Variants in MTR observed in about 807,000 individuals in gnomAD.
MTR encodes the protein methionine synthase.
Under a neutral mutation model 154.8 loss-of-function variants are expected in MTR, and 84 were observed. The observed-to-expected ratio is 0.54, with a 90% CI of 0.45 to 0.65. MTR has a LOEUF of 0.65. MTR is among the 30% of genes least tolerant of loss of function. The pLI is 0.00. For synonymous variants in MTR, 554 were observed against 553.9 expected (o/e 1.00, Z 0.00); for missense variants, 1,275 against 1,570.2 (o/e 0.81, Z 3.18).
chr1:236,825,301 G>A lies in MTR; in HGVS notation c.866-37G>A, dbSNP rs771415395. 3.4e-6 allele frequency: 5 copies of A among 1,456,516 alleles called. No homozygotes were observed. In the Admixed American group the frequency reaches 5.0e-5, roughly 15 times the overall value. 90.2% of individuals were successfully genotyped at this position (1,456,516 alleles called of 1,614,324 possible). Reference sequence around the variant, plus strand: ...TTAAAAATACAGTGTATATTTTTAAGGCAATTTGCAATAATGGTTGAATTA... The same window carrying A: ...TTAAAAATACAGTGTATATTTTTAAAGCAATTTGCAATAATGGTTGAATTA... On this transcript the variant is annotated intron_variant, in intron 9 of 32. Coordinates refer to ENST00000366577, the MANE Select transcript of MTR (RefSeq NM_000254.3).
At chr1:236,852,086 G>A (rs1345075054) in intron 16 of MTR, among the ~76,000 whole-genome samples, 1 of 152,156 alleles carries the variant, frequency 6.6e-6, no homozygotes, top group Non-Finnish European at 1.5e-5. Context: ...TATTCCACAA[G>A]CCTGATGATG....
At position 236,795,865 on chromosome 1, in the gene MTR, C is replaced by T. The variant is rs1261580511; in HGVS notation, c.34+128C>T. 4.1e-6 allele frequency: 6 copies of T among 1,447,776 alleles called. No homozygotes were observed. In the Admixed American group the frequency reaches 5.6e-5, roughly 13 times the overall value. The allele number at this position is 1,447,776 out of a possible 1,614,324, so 89.7% of individuals were successfully genotyped here. A position where few individuals can be genotyped will look rare whatever the true frequency, so the allele number is the denominator to read the frequency against. ...GCGGTGTTTCCCCGCGTGTGGGCGG[C>T]ACCTTTAGAACTTAGCGCAGGAGCC... On this transcript the variant is annotated intron_variant, in intron 1 of 32. Coordinates refer to ENST00000366577, the MANE Select transcript of MTR (RefSeq NM_000254.3).
intron 18 of MTR, among the ~76,000 whole-genome samples, chr1:236,853,368 T>C (rs139617929): frequency 2.6e-4 from 40 of 152,316 alleles, no homozygotes; most frequent in African/African-American, 9.4e-4. Flanking sequence ...ACATATTAGT[T>C]CTAGAAAATT....
rs779857963 is a variant in MTR at position 236,824,140 on chromosome 1, G to A, written c.786G>A (p.Leu262=). The A allele has an allele frequency of 1.9e-6, 3 of 1,613,738 alleles. No individual in the cohort carries two copies. In the African/African-American group the frequency reaches 4.0e-5, roughly 22 times the overall value. ...EPLCIGLNCA[L]GAAEMRPFIE... The stretch of plus-strand genomic sequence containing the variant: ...CTAGCATTGGATTAAATTGTGCTTT[G>A]GGTGCAGCTGAAATGAGACCTTTTA... The change falls in exon 9 of 33, where the codon TTG becomes TTA. Residue 262 remains leucine (L), a synonymous_variant. Coordinates refer to ENST00000366577, the MANE Select transcript of MTR (RefSeq NM_000254.3).
At position 236,852,514 on chromosome 1, in the gene MTR, T is replaced by A; in HGVS notation, c.1696-7T>A. 1.2e-6 allele frequency: 2 copies of A among 1,607,886 alleles called. No individual in the cohort carries two copies. Among genetic ancestry groups the A allele is most frequent in the Middle Eastern group, 3.3e-4 (2 of 6,050 alleles). ...GGAATCTTTTCATATTTTAAAATTT[T>A]TGCCAGGAAACATTACCTGGAGCCA... On this transcript the variant is annotated splice_region_variant and splice_polypyrimidine_tract_variant and intron_variant, in intron 16 of 32. Transcript: ENST00000366577.
intron 1 of MTR, among the ~76,000 whole-genome samples, chr1:236,802,845 G>A (rs1660771565): frequency 6.6e-6 from 1 of 152,132 alleles, no homozygotes; most frequent in Non-Finnish European, 1.5e-5. Flanking sequence ...ATTAGAAGGA[G>A]TAAGCATTGG....
chr1:236,851,846 A>G (rs1450804372), intron 16 of MTR, among the ~76,000 whole-genome samples: 4 of 152,206 alleles, frequency 2.6e-5, no homozygotes, highest in South Asian at 2.1e-4. Flanking sequence ...ATAATATTCT[A>G]TGGTATAACT....
In MTR at chr1:236,890,162, G is replaced by A. The variant is rs1432061193; in HGVS notation, c.3007+826G>A. Among the ~76,000 whole-genome samples, 3 of 152,100 alleles carry A rather than the reference G, an allele frequency of 2.0e-5. No homozygotes were observed. The East Asian group carries it at 5.8e-4, about 29-fold the overall frequency. ...AAGTTTCCCACGGGGGGGCGTGCCT[G>A]GGTGTGCGTGTTCGGATGCTGAGAC... On this transcript the variant is annotated intron_variant, in intron 28 of 32. Coordinates refer to ENST00000366577, the MANE Select transcript of MTR (RefSeq NM_000254.3).
intron 15 of MTR, among the ~76,000 whole-genome samples, chr1:236,847,313 C>T (rs186828561): frequency 1.3e-4 from 20 of 152,318 alleles, no homozygotes; most frequent in Admixed American, 7.8e-4. Flanking sequence ...TAGCCCTGTT[C>T]GATCTCTGCT....
chr1:236,860,255 A>T (rs1664459814), intron 19 of MTR, among the ~76,000 whole-genome samples: 2 of 152,216 alleles, frequency 1.3e-5, no homozygotes, highest in Non-Finnish European at 2.9e-5. Flanking sequence ...AGTAGCGCCG[A>T]GGCTGCGAAT....
At chr1:236,869,502 T>C (rs183779081) in intron 22 of MTR, among the ~76,000 whole-genome samples, 162 of 152,344 alleles carry the variant, frequency 1.1e-3, no homozygotes, top group Non-Finnish European at 1.6e-3. Context: ...CCAACCTCTC[T>C]TCTGAGCACT....
At chr1:236,831,686 A>G (rs751416835) in intron 12 of MTR, among the ~76,000 whole-genome samples, 3 of 152,086 alleles carry the variant, frequency 2.0e-5, no homozygotes, top group Admixed American at 6.5e-5. Context: ...TTTCTCAGAG[A>G]TGGTATGATT....
rs772397964 is a variant in MTR at position 236,863,426 on chromosome 1, T to C, written c.2305-28T>C. The C allele has an allele frequency of 1.1e-4, 184 of 1,600,710 alleles. 1 individual carries two copies. Among genetic ancestry groups the C allele is most frequent in the Admixed American group, 1.7e-5 (1 of 59,904 alleles). ...GTGTTCCACCCTAAACAACCCTGCC[T>C]TGCTGAGCTGCTTGGCTTCCTTTCC... On this transcript the variant is annotated intron_variant, in intron 21 of 32. Transcript: ENST00000366577.
At chr1:236,806,445 A>G (rs1028844347) in intron 3 of MTR, among the ~76,000 whole-genome samples, 1 of 152,206 alleles carries the variant, frequency 6.6e-6, no homozygotes, top group Non-Finnish European at 1.5e-5. Context: ...ATGGGCAAGT[A>G]ATAATCAAAT....
intron 18 of MTR, among the ~76,000 whole-genome samples, chr1:236,857,996 A>T (rs967728520): frequency 6.6e-6 from 1 of 152,220 alleles, no homozygotes; most frequent in African/African-American, 2.4e-5. Context: ...TGTATGTCAG[A>T]TGAACAAATG....
chr1:236,854,699 C>G (rs2103263362), intron 18 of MTR, among the ~76,000 whole-genome samples: 1 of 152,310 alleles, frequency 6.6e-6, no homozygotes, highest in Admixed American at 6.5e-5. Flanking sequence ...AGGCAGCCCT[C>G]TCACTTAGGA....
At chr1:236,866,496 C>T (rs1322820275) in intron 22 of MTR, among the ~76,000 whole-genome samples, 1 of 130,370 alleles carries the variant, frequency 7.7e-6, no homozygotes, top group Admixed American at 8.1e-5. Flanking sequence ...GTTAATAACT[C>T]TGTAATGGCC....
At chr1:236,797,720 A>G (rs923311018) in intron 1 of MTR, among the ~76,000 whole-genome samples, 23 of 152,270 alleles carry the variant, frequency 1.5e-4, no homozygotes, top group African/African-American at 5.5e-4. Flanking sequence ...GCACTTTGGG[A>G]GGCCGAGGCG....
chr1:236,859,977 C>G (rs1285741440), intron 19 of MTR, 55 bp downstream of exon 19: 41 of 1,467,618 alleles, frequency 2.8e-5, no homozygotes, highest in Non-Finnish European at 3.8e-5. Context: ...GCTGACTGAT[C>G]CTGTTGTGGG....
Sources: allele counts gnomAD v4.1 joint callset (sites outside exome capture counted in the v4.1 genomes callset), GRCh38; gene constraint gnomAD v4.1.1; transcripts MANE v1.5; gene names NCBI Gene and HGNC (gene_info 2026-07-23, HGNC 2026-07-21).